The following CDK5RAP1 variants were observed in gnomAD, a reference collection of about 807,000 sequenced individuals.
The protein encoded by CDK5RAP1 is CDK5RAP1 mitochondrial tRNA methylthiotransferase.
In CDK5RAP1, 62 loss-of-function variants were observed where a neutral mutation model predicts 64.5. The observed-to-expected ratio is 0.96, with a 90% CI of 0.78 to 1.19. The LOEUF is 1.19. CDK5RAP1 is among the 50% of genes most tolerant of loss of function. The pLI, the probability that CDK5RAP1 is intolerant of heterozygous loss-of-function variation, is 0.00. For missense variants in CDK5RAP1, 657 were observed against 735.0 expected (o/e 0.89, Z 1.23); for synonymous variants, 250 against 261.9 (o/e 0.95, Z 0.44).
intron 8 of CDK5RAP1, among the ~76,000 whole-genome samples, chr20:33,378,106 C>T (rs965331793): frequency 1.3e-5 from 2 of 152,212 alleles, no homozygotes; most frequent in Non-Finnish European, 2.9e-5. Context: ...CCTAGCTCGG[C>T]TTTCAACATG....
At chr20:33,374,250 C>T in intron 8 of CDK5RAP1, 38 bp from the exon 9 acceptor site, 1 of 1,361,172 alleles carries the variant, frequency 7.3e-7, no homozygotes, top group South Asian at 1.2e-5. Context: ...ATCACAATCT[C>T]ACCAAAGAAC....
chr20:33,362,629 T>C (rs1454566987), intron 12 of CDK5RAP1, among the ~76,000 whole-genome samples: 1 of 152,198 alleles, frequency 6.6e-6, no homozygotes, highest in Non-Finnish European at 1.5e-5. Context: ...AAAAGATAAT[T>C]GTTTAAAGCA....
intron 5 of CDK5RAP1, among the ~76,000 whole-genome samples, chr20:33,390,398 C>G (rs1568724197): frequency 6.6e-6 from 1 of 152,120 alleles, no homozygotes; most frequent in East Asian, 1.9e-4. Context: ...GTTCCACTTA[C>G]ATGAGGTATC....
chr20:33,371,108 A>G (rs1984941710), intron 10 of CDK5RAP1, among the ~76,000 whole-genome samples: 2 of 152,140 alleles, frequency 1.3e-5, no homozygotes, highest in African/African-American at 4.8e-5. Flanking sequence ...AGCCTGGCCA[A>G]TAGGCAAAAT....
At chr20:33,394,742 T>G (rs1988727257) in intron 3 of CDK5RAP1, among the ~76,000 whole-genome samples, 3 of 152,208 alleles carry the variant, frequency 2.0e-5, no homozygotes, top group Admixed American at 2.0e-4. Flanking sequence ...CTTCTGCAAC[T>G]AAAACCCTGT....
intron 10 of CDK5RAP1, among the ~76,000 whole-genome samples, chr20:33,372,295 T>C (rs1233922551): frequency 2.4e-5 from 3 of 126,266 alleles, no homozygotes; most frequent in Non-Finnish European, 3.4e-5. Context: ...AAAAAAAAGA[T>C]ATCAATTGTT....
At chr20:33,401,557 A>C (rs1989424399), upstream of CDK5RAP1, 5 of 976,368 alleles carry the variant, frequency 5.1e-6, no homozygotes, top group Non-Finnish European at 6.1e-6. Flanking sequence ...AGGCCGGGTC[A>C]TGCTAACGGA....
intron 10 of CDK5RAP1, 91 bp from the exon 11 acceptor site, chr20:33,370,720 G>A: frequency 1.5e-6 from 2 of 1,361,544 alleles, no homozygotes; most frequent in Non-Finnish European, 2.1e-6. Context: ...GGGAGGGATA[G>A]CAACTGTAAG....
chr20:33,371,597 G>A (rs1985028049), intron 10 of CDK5RAP1, among the ~76,000 whole-genome samples: 1 of 152,096 alleles, frequency 6.6e-6, no homozygotes, highest in Admixed American at 6.6e-5. Context: ...GGACCAGCCT[G>A]GACAACATGG....
At chr20:33,375,907 G>A (rs948026657) in intron 8 of CDK5RAP1, among the ~76,000 whole-genome samples, 5 of 151,910 alleles carry the variant, frequency 3.3e-5, no homozygotes, top group African/African-American at 7.3e-5. Flanking sequence ...TATCACCCTC[G>A]CTAGAGTGCA....
intron 1 of CDK5RAP1, among the ~76,000 whole-genome samples, chr20:33,399,595 G>A (rs976447976): frequency 6.6e-6 from 1 of 152,172 alleles, no homozygotes; most frequent in Non-Finnish European, 1.5e-5. Flanking sequence ...GCTGCCTCAC[G>A]GCAGGTGCTA....
chr20:33,367,633 A>G (rs1465994246), intron 11 of CDK5RAP1, among the ~76,000 whole-genome samples: 1 of 152,236 alleles, frequency 6.6e-6, no homozygotes, highest in African/African-American at 2.4e-5. Context: ...GGAACTAAAA[A>G]AACTAGGCAA....
intron 12 of CDK5RAP1, among the ~76,000 whole-genome samples, chr20:33,363,280 C>T (rs1983266834): frequency 6.6e-6 from 1 of 152,194 alleles, no homozygotes; most frequent in East Asian, 1.9e-4. Context: ...AGAGACATGA[C>T]AGTTAAATGC....
chr20:33,388,519 T>C (rs1987755922), intron 5 of CDK5RAP1, among the ~76,000 whole-genome samples: 2 of 128,306 alleles, frequency 1.6e-5, no homozygotes, highest in Non-Finnish European at 3.2e-5. Context: ...CCTCTCCCTC[T>C]CCCTCTCCCT....
At chr20:33,400,518 AT>A (rs1245912209) in intron 1 of CDK5RAP1, among the ~76,000 whole-genome samples, 3 of 152,208 alleles carry the variant, frequency 2.0e-5, no homozygotes, top group Non-Finnish European at 4.4e-5. Context: ...CTACCACCCC[AT>A]AAGTGTTATT....
chr20:33,381,230 C>G (rs893604453), intron 7 of CDK5RAP1, among the ~76,000 whole-genome samples: 5 of 151,558 alleles, frequency 3.3e-5, no homozygotes, highest in African/African-American at 1.2e-4. Flanking sequence ...TTTTTTTAAG[C>G]CTTCTGAGAA....
intron 3 of CDK5RAP1, 86 bp from the exon 4 acceptor site, chr20:33,394,152 TA>T: frequency 2.1e-6 from 2 of 959,364 alleles, no homozygotes; most frequent in South Asian, 1.4e-5. Context: ...AGCTCTTTAT[TA>T]TTTTTTTTTC....
In CDK5RAP1 at chr20:33,397,005, G is replaced by A. The variant is rs1988967212; in HGVS notation, c.60C>T (p.Ala20=). The A allele has an allele frequency of 1.2e-6, 2 of 1,614,152 alleles. No individual in the cohort carries two copies. Among genetic ancestry groups the A allele is most frequent in the African/African-American group, 1.3e-5 (1 of 75,046 alleles). The change falls in exon 2 of 14, where the codon GCC becomes GCT. Residue 20 remains alanine (A), a synonymous_variant. Transcript: ENST00000346416. ...VQRSLGWGPL[A]SVSWLSLRMC... is the part of the protein sequence containing the mutation. ...TCCTCAGCGACAGCCAAGACACAGA[G>A]GCCAATGGTCCCCACCCCAGAGACC...
At chr20:33,360,150 CAGG>C (rs1982623352) in intron 13 of CDK5RAP1, 198 bp downstream of exon 13, 2 of 570,948 alleles carry the variant, frequency 3.5e-6, no homozygotes, top group East Asian at 3.0e-5. Context: ...GCTTCCAGGG[CAGG>C]AGAATAGGTA....
Sources: gnomAD v4.1 joint callset for allele counts (sites outside exome capture counted in the v4.1 genomes callset) on GRCh38, gnomAD v4.1.1 for gene constraint, MANE v1.5 for transcripts, NCBI Gene and HGNC (gene_info 2026-07-23, HGNC 2026-07-21) for gene names.